RFX7: variants seen among roughly 807,000 people sequenced by gnomAD.
The protein encoded by RFX7 is regulatory factor X7, also known as DNA-binding protein RFX7.
Under a neutral mutation model 111.8 loss-of-function variants are expected in RFX7, and 26 were observed. The ratio of observed to expected loss-of-function variants is 0.23; its 90% confidence interval spans 0.17 to 0.32. The LOEUF (loss-of-function observed/expected upper bound fraction) is 0.32. RFX7 is among the 10% of genes least tolerant of loss of function. The pLI is 1.00. For synonymous variants in RFX7, 624 were observed against 624.4 expected (o/e 1.00, Z 0.01); for missense variants, 1,573 against 1,772.9 (o/e 0.89, Z 2.02).
At chr15:56,146,721 T>C (rs1426405193) in intron 3 of RFX7, among the ~76,000 whole-genome samples, 3 of 152,208 alleles carry the variant, frequency 2.0e-5, no homozygotes, top group African/African-American at 7.2e-5. Context: ...TTAAAGTCAG[T>C]GTCCTAATTT....
At chr15:56,096,855 TC>T (rs1359602865) in intron 9 of RFX7, among the ~76,000 whole-genome samples, 2 of 152,228 alleles carry the variant, frequency 1.3e-5, no homozygotes, top group African/African-American at 4.8e-5. Flanking sequence ...AAGTTACTTT[TC>T]AATTAAGACT....
chr15:56,097,755 A>AAAAAAAAAAAAAT (rs1240002576), intron 9 of RFX7, among the ~76,000 whole-genome samples: 1 of 149,406 alleles, frequency 6.7e-6, no homozygotes, highest in African/African-American at 2.5e-5. Flanking sequence ...TCAAAAAAAA[A>AAAAAAAAAAAAAT]AAAAAAAAAA....
intron 5 of RFX7, among the ~76,000 whole-genome samples, chr15:56,135,417 T>C (rs1480087315): frequency 2.6e-5 from 4 of 152,324 alleles, no homozygotes; most frequent in Non-Finnish European, 1.5e-5. Context: ...TGTCTTCTTT[T>C]GAGAAGTGTC....
chr15:56,211,834 C>A (rs2043316004), intron 2 of RFX7, among the ~76,000 whole-genome samples: 1 of 152,058 alleles, frequency 6.6e-6, no homozygotes, highest in South Asian at 2.1e-4. Flanking sequence ...AGATACTAAA[C>A]ATACCTATTA....
intron 2 of RFX7, among the ~76,000 whole-genome samples, chr15:56,207,696 G>C (rs1331490626): frequency 2.0e-5 from 3 of 152,046 alleles, no homozygotes; most frequent in African/African-American, 7.2e-5. Flanking sequence ...CTGTTAAGCA[G>C]ATTAATTTTT....
intron 5 of RFX7, among the ~76,000 whole-genome samples, chr15:56,141,237 A>C (rs1472745054): frequency 6.7e-6 from 1 of 149,908 alleles, no homozygotes; most frequent in African/African-American, 2.5e-5. Context: ...AGTGTTAGCT[A>C]CTCAGAGGGC....
chr15:56,163,642 G>A (rs1292899436), intron 3 of RFX7, among the ~76,000 whole-genome samples: 1 of 152,154 alleles, frequency 6.6e-6, no homozygotes, highest in Admixed American at 6.5e-5. Context: ...ATTTAAAATA[G>A]AGTAATCAAG....
intron 5 of RFX7, 99 bp from the exon 6 acceptor site, chr15:56,103,769 A>G (rs2041791912): frequency 1.4e-6 from 1 of 715,284 alleles, no homozygotes; most frequent in African/African-American, 1.8e-5. Flanking sequence ...AAAGTGAAGC[A>G]AAGGATCTTT....
rs375604492 is a variant in RFX7, at chr15:56,149,777, C to G, written c.196-5294G>C. Reference sequence around the variant, plus strand: ...GCACAGAACTGGCTGGCCAATTGGGCAGACACCGAACTAGATGCAGGAGCT... The same window carrying G: ...GCACAGAACTGGCTGGCCAATTGGGGAGACACCGAACTAGATGCAGGAGCT... On this transcript the variant is annotated intron_variant, in intron 3 of 9. Transcript: ENST00000559447. Among the ~76,000 whole-genome samples, 2 of 152,098 alleles carry G rather than the reference C, an allele frequency of 1.3e-5. 1 individual carries two copies.
chr15:56,210,059 AC>A lies in RFX7; in HGVS notation c.162-30757del, dbSNP rs796776788. ...CTGTCAGAGTGGATCAAGAAATAAG[AC>A]CCAATTATATGTCGTCTACAAAAGC... On this transcript the variant is annotated intron_variant, in intron 2 of 9. Coordinates refer to ENST00000559447, the MANE Select transcript of RFX7 (RefSeq NM_022841.7). Among the ~76,000 whole-genome samples, 16 of 152,220 alleles carry A rather than the reference AC, an allele frequency of 1.1e-4. 1 individual carries two copies. The highest frequency in any genetic ancestry group is 3.6e-4 in the African/African-American group (15 of 41,576).
intron 5 of RFX7, among the ~76,000 whole-genome samples, chr15:56,121,779 G>C: frequency 6.6e-6 from 1 of 152,002 alleles, no homozygotes; most frequent in Non-Finnish European, 1.5e-5. Context: ...AGGGTCACTA[G>C]TTCTTTTTGA....
At chr15:56,107,002 C>G (rs2041838091) in intron 5 of RFX7, among the ~76,000 whole-genome samples, 1 of 152,074 alleles carries the variant, frequency 6.6e-6, no homozygotes, top group Non-Finnish European at 1.5e-5. Flanking sequence ...ATCACTAACA[C>G]TCTAATGTCA....
intron 5 of RFX7, among the ~76,000 whole-genome samples, chr15:56,118,789 T>C (rs1177215932): frequency 6.6e-6 from 1 of 152,248 alleles, no homozygotes; most frequent in African/African-American, 2.4e-5. Context: ...CTACAGTAGC[T>C]TTACTAACTT....
At chr15:56,178,858 ATG>A (rs1555423822) in intron 3 of RFX7, among the ~76,000 whole-genome samples, 1 of 152,188 alleles carries the variant, frequency 6.6e-6, no homozygotes, top group Non-Finnish European at 1.5e-5. Context: ...AACTATTATT[ATG>A]GCTTAATTCC....
intron 2 of RFX7, among the ~76,000 whole-genome samples, chr15:56,216,507 T>C (rs1422013142): frequency 1.3e-5 from 2 of 152,206 alleles, no homozygotes; most frequent in Non-Finnish European, 1.5e-5. Context: ...CCTACTTTTT[T>C]CTTGATCTGT....
intron 5 of RFX7, among the ~76,000 whole-genome samples, chr15:56,116,429 C>T (rs763071524): frequency 6.6e-6 from 1 of 152,172 alleles, no homozygotes; most frequent in African/African-American, 2.4e-5. Flanking sequence ...AAGGTTCCCT[C>T]TGAAGAACAG....
At chr15:56,101,054 A>G (rs2041745334) in intron 8 of RFX7, among the ~76,000 whole-genome samples, 1 of 152,230 alleles carries the variant, frequency 6.6e-6, no homozygotes, top group Non-Finnish European at 1.5e-5. Flanking sequence ...ATAAAAGTAC[A>G]TATAAACACA....
At chr15:56,116,763 T>A (rs948337496) in intron 5 of RFX7, among the ~76,000 whole-genome samples, 1 of 152,164 alleles carries the variant, frequency 6.6e-6, no homozygotes, top group Admixed American at 6.5e-5. Context: ...GAAATTATGG[T>A]ATATATTCAC....
intron 5 of RFX7, among the ~76,000 whole-genome samples, chr15:56,140,208 C>T (rs1483028974): frequency 6.6e-6 from 1 of 152,180 alleles, no homozygotes; most frequent in Non-Finnish European, 1.5e-5. Context: ...GGCGCCCCTC[C>T]CCCAGCCTCG....
Sources: allele counts gnomAD v4.1 joint callset (sites outside exome capture counted in the v4.1 genomes callset), GRCh38; gene constraint gnomAD v4.1.1; transcripts MANE v1.5; gene names NCBI Gene and HGNC (gene_info 2026-07-23, HGNC 2026-07-21).